RSPO3: variants seen among roughly 807,000 people sequenced by gnomAD.
RSPO3 encodes the protein R-spondin 3.
Under a neutral mutation model 36.5 loss-of-function variants are expected in RSPO3, and 17 were observed. The ratio of observed to expected loss-of-function variants is 0.47; its 90% CI spans 0.32 to 0.70. The LOEUF is 0.70. Ranked by LOEUF, RSPO3 falls within the 30% of genes least tolerant of loss-of-function variation. RSPO3 has a pLI of 0.04. For missense variants in RSPO3, 294 were observed against 322.5 expected (o/e 0.91, Z 0.68); for synonymous variants, 108 against 107.0 (o/e 1.01, Z -0.06).
chr6:127,170,384 G>A (rs2114615984), intron 4 of RSPO3, among the ~76,000 whole-genome samples: 1 of 151,284 alleles, frequency 6.6e-6, no homozygotes, highest in African/African-American at 2.4e-5. Flanking sequence ...TGATGGGAAT[G>A]TAAAATAGTA....
At chr6:127,140,688 G>GA (rs1774251574) in intron 1 of RSPO3, among the ~76,000 whole-genome samples, 1 of 152,134 alleles carries the variant, frequency 6.6e-6, no homozygotes, top group South Asian at 2.1e-4. Flanking sequence ...TAGAAATGCA[G>GA]AGGCTACATG....
At chr6:127,176,019 T>C (rs1775049341) in intron 4 of RSPO3, among the ~76,000 whole-genome samples, 1 of 151,778 alleles carries the variant, frequency 6.6e-6, no homozygotes, top group South Asian at 2.1e-4. Flanking sequence ...GATGTGCCTT[T>C]GGATGCTCTG....
chr6:127,189,216 A>C (rs1055547088), intron 4 of RSPO3, among the ~76,000 whole-genome samples: 1 of 152,226 alleles, frequency 6.6e-6, no homozygotes, highest in African/African-American at 2.4e-5. Context: ...AGCTGAGAAC[A>C]CAGAGAGGAG....
chr6:127,137,163 G>A (rs2489625), intron 1 of RSPO3, among the ~76,000 whole-genome samples: 85,039 of 151,896 alleles, frequency 0.56, 23,795 homozygotes, highest in African/African-American at 0.6. Context: ...AGGCTGAGGC[G>A]GGTGGATCAC....
At chr6:127,120,994 CAG>C (rs762989189) in intron 1 of RSPO3, among the ~76,000 whole-genome samples, 1 of 152,226 alleles carries the variant, frequency 6.6e-6, no homozygotes, top group Non-Finnish European at 1.5e-5. Flanking sequence ...AATTGAGTCT[CAG>C]GGTCAGTGGG....
chr6:127,142,204 G>T (rs886294844), intron 1 of RSPO3, among the ~76,000 whole-genome samples: 1 of 152,098 alleles, frequency 6.6e-6, no homozygotes, highest in African/African-American at 2.4e-5. Flanking sequence ...TATTTATTCA[G>T]AAAATCTTGT....
chr6:127,146,904 T>G (rs550647447), intron 1 of RSPO3, among the ~76,000 whole-genome samples: 1 of 152,160 alleles, frequency 6.6e-6, no homozygotes, highest in Non-Finnish European at 1.5e-5. Flanking sequence ...GCTTACAATA[T>G]GTACACGTTT....
At chr6:127,142,680 CAT>C (rs1223232147) in intron 1 of RSPO3, among the ~76,000 whole-genome samples, 4 of 152,148 alleles carry the variant, frequency 2.6e-5, no homozygotes, top group Admixed American at 6.5e-5. Context: ...TAATTTGCAA[CAT>C]GATTTCTTTG....
At chr6:127,133,742 T>A (rs967773828) in intron 1 of RSPO3, among the ~76,000 whole-genome samples, 2 of 152,196 alleles carry the variant, frequency 1.3e-5, no homozygotes, top group Middle Eastern at 6.8e-3. Flanking sequence ...AGGAATCTTG[T>A]TAGGGGAAAA....
chr6:127,189,001 A>G (rs530022655), intron 4 of RSPO3, among the ~76,000 whole-genome samples: 1 of 152,270 alleles, frequency 6.6e-6, no homozygotes, highest in Admixed American at 6.5e-5. Flanking sequence ...TCTGTAGAAC[A>G]GGGGTTGAAT....
At chr6:127,153,689 T>A (rs2114589916) in intron 3 of RSPO3, among the ~76,000 whole-genome samples, 1 of 152,264 alleles carries the variant, frequency 6.6e-6, no homozygotes, top group South Asian at 2.1e-4. Flanking sequence ...TCTGGTCACT[T>A]GCACATCAGA....
At chr6:127,180,398 C>G (rs1205858545) in intron 4 of RSPO3, among the ~76,000 whole-genome samples, 1 of 131,188 alleles carries the variant, frequency 7.6e-6, no homozygotes, top group East Asian at 2.4e-4. Flanking sequence ...GATTTAAAAA[C>G]AAACAAAAAA....
intron 4 of RSPO3, among the ~76,000 whole-genome samples, chr6:127,191,259 A>G (rs1243410498): frequency 6.6e-6 from 1 of 152,218 alleles, no homozygotes; most frequent in African/African-American, 2.4e-5. Context: ...AATTTGAAGT[A>G]AGTTTTGAGA....
intron 4 of RSPO3, among the ~76,000 whole-genome samples, chr6:127,194,322 A>G (rs770330676): frequency 4.6e-5 from 7 of 152,184 alleles, no homozygotes; most frequent in Non-Finnish European, 1.0e-4. Flanking sequence ...CTTATTTTAG[A>G]CAGTCTAATT....
intron 4 of RSPO3, among the ~76,000 whole-genome samples, chr6:127,192,340 T>C (rs1210714970): frequency 6.6e-6 from 1 of 152,188 alleles, no homozygotes. Context: ...ATGAGTAACA[T>C]ATGCCAGTCA....
rs901066033 is a variant in RSPO3 at position 127,198,431 on chromosome 6, C to A, written c.*2424C>A. ...AACCAGCAGCCTTCTCAAATTTGAG[C>A]AAAAACTCTATCAACCTCTGGTAAA... On this transcript the variant is annotated 3_prime_UTR_variant, in exon 5 of 5. Coordinates refer to ENST00000356698, the MANE Select transcript of RSPO3 (RefSeq NM_032784.5). 6.6e-6 allele frequency among the ~76,000 whole-genome samples: 1 copy of A among 152,142 alleles called. No homozygotes were observed. Among genetic ancestry groups the A allele is most frequent in the Non-Finnish European group, 1.5e-5 (1 of 68,032 alleles).
chr6:127,192,444 A>G (rs1186379102), intron 4 of RSPO3, among the ~76,000 whole-genome samples: 1 of 152,210 alleles, frequency 6.6e-6, no homozygotes, highest in Non-Finnish European at 1.5e-5. Context: ...CAGAGAGTTA[A>G]TCCTGAGAAA....
At chr6:127,160,727 G>C (rs918660851) in intron 4 of RSPO3, among the ~76,000 whole-genome samples, 1 of 152,110 alleles carries the variant, frequency 6.6e-6, no homozygotes, top group South Asian at 2.1e-4. Context: ...TGGCACATTG[G>C]TGGGTGTGTC....
At chr6:127,135,556 G>A (rs979968867) in intron 1 of RSPO3, among the ~76,000 whole-genome samples, 1 of 152,008 alleles carries the variant, frequency 6.6e-6, no homozygotes, top group African/African-American at 2.4e-5. Context: ...TGTAAGAAAG[G>A]TGATTGGAGA....
Sources: gnomAD v4.1 joint callset for allele counts (sites outside exome capture counted in the v4.1 genomes callset) on GRCh38, gnomAD v4.1.1 for gene constraint, MANE v1.5 for transcripts, NCBI Gene and HGNC (gene_info 2026-07-23, HGNC 2026-07-21) for gene names.